RAE1: variants seen among roughly 807,000 people sequenced by gnomAD.
RAE1 encodes the protein mRNA export factor RAE1.
Under a neutral mutation model 52.7 loss-of-function variants are expected in RAE1, and 13 were observed. That is an observed-to-expected ratio of 0.25 (90% confidence interval 0.16 to 0.39). The LOEUF (loss-of-function observed/expected upper bound fraction) is 0.39. Ranked by LOEUF, RAE1 falls within the 10% of genes least tolerant of loss-of-function variation. RAE1 has a pLI of 1.00. For synonymous variants in RAE1, 164 were observed against 153.1 expected (o/e 1.07, Z -0.52); for missense variants, 262 against 459.8 (o/e 0.57, Z 3.93).
intron 4 of RAE1, among the ~76,000 whole-genome samples, chr20:57,362,016 A>G (rs986364113): frequency 1.3e-5 from 2 of 152,200 alleles, no homozygotes; most frequent in Non-Finnish European, 2.9e-5. Context: ...TGAAGTGCAC[A>G]CGTGAGGGAT....
At chr20:57,376,825 T>C (rs995585948) in intron 11 of RAE1, among the ~76,000 whole-genome samples, 1 of 152,236 alleles carries the variant, frequency 6.6e-6, no homozygotes, top group African/African-American at 2.4e-5. Flanking sequence ...GACGCGGGAC[T>C]CTATACGTTA....
intron 4 of RAE1, among the ~76,000 whole-genome samples, chr20:57,360,720 G>A (rs983335683): frequency 3.3e-5 from 5 of 152,148 alleles, no homozygotes; most frequent in Non-Finnish European, 7.3e-5. Context: ...TATTAGCTTG[G>A]GTTAACTGTA....
Position 57,374,587 on chromosome 20 carries a change from G to A in RAE1, c.826-20G>A. The A allele has an allele frequency of 1.2e-6, 2 of 1,600,434 alleles. No individual in the cohort carries two copies. Among genetic ancestry groups the A allele is most frequent in the Middle Eastern group, 1.7e-4 (1 of 5,966 alleles). On this transcript the variant is annotated intron_variant, in intron 10 of 11. Coordinates refer to ENST00000395841, the MANE Select transcript of RAE1 (RefSeq NM_003610.4). ...GCGCCCCTCTGCCTGGCTTCTCATT[G>A]TGCATGTCAATCCTTGCAGGTAAAT...
Position 57,365,387 on chromosome 20 carries a change from A to G in RAE1, c.320A>G (p.Asp107Gly). 6.2e-7 allele frequency: 1 copy of G among 1,610,828 alleles called. No individual in the cohort carries two copies. The highest frequency in any genetic ancestry group is 8.5e-7 in the Non-Finnish European group (1 of 1,177,914). Reference sequence around the variant, plus strand: ...AGCAAAGTGTTTACGGCATCGTGTGATAAAACTGCCAAAATGTGGGACCTC... The same window carrying G: ...AGCAAAGTGTTTACGGCATCGTGTGGTAAAACTGCCAAAATGTGGGACCTC... ...DGSKVFTASCDKTAKMWDLSS... is the reference protein window; with the variant it reads ...DGSKVFTASCGKTAKMWDLSS... Residue 107 changes from aspartate to glycine, a missense_variant, in exon 5 of 12, where the codon GAT becomes GGT. Asp to Gly is a moderately conservative substitution (Grantham distance 94). Transcript: ENST00000395841.
At chr20:57,373,225 C>G in intron 8 of RAE1, 2 of 508,668 alleles carry the variant, frequency 3.9e-6, no homozygotes, top group Non-Finnish European at 7.0e-6. Flanking sequence ...CGCGGCCTTG[C>G]AGGGTGGCAG....
chr20:57,357,810 T>C (rs1268380631), intron 4 of RAE1: 1 of 152,238 alleles, frequency 6.6e-6, no homozygotes, highest in Non-Finnish European at 1.5e-5. Flanking sequence ...TAGTTTCTGC[T>C]AGTGTGGGGA....
chr20:57,351,599 A>C, intron 1 of RAE1, 177 bp downstream of exon 1: 2 of 985,480 alleles, frequency 2.0e-6, no homozygotes, highest in Non-Finnish European at 2.4e-6. Context: ...CTTAGGGGTC[A>C]CCTAGGGCCT....
chr20:57,376,268 T>G (rs2067113220), intron 11 of RAE1, among the ~76,000 whole-genome samples: 1 of 152,216 alleles, frequency 6.6e-6, no homozygotes, highest in Non-Finnish European at 1.5e-5. Flanking sequence ...TTTATTGAGG[T>G]ACAATTGAAA....
At position 57,354,747 on chromosome 20, in the gene RAE1, T is replaced by C. The variant is rs1208395692; in HGVS notation, c.126T>C (p.Ile42=). 6.9e-6 allele frequency: 11 copies of C among 1,603,806 alleles called. No homozygotes were observed. The highest frequency in any genetic ancestry group is 9.4e-6 in the Non-Finnish European group (11 of 1,175,966). Residue 42 remains isoleucine, a synonymous_variant, in exon 3 of 12, where the codon ATT becomes ATC. Coordinates refer to ENST00000395841, the MANE Select transcript of RAE1 (RefSeq NM_003610.4). ...IEVTSSPDDS[I]GCLSFSPPTL... is the part of the protein sequence containing the mutation. ...TAACATCATCTCCTGATGATAGCAT[T>C]GGTTGTCTGTCTTTTAGCCCACCAA...
At chr20:57,353,608 G>A (rs890395526) in intron 1 of RAE1, among the ~76,000 whole-genome samples, 4 of 152,222 alleles carry the variant, frequency 2.6e-5, no homozygotes, top group African/African-American at 9.6e-5. Context: ...CCCACTAGGT[G>A]GAAACCTGAA....
chr20:57,365,979 A>G (rs2066949092), intron 5 of RAE1, among the ~76,000 whole-genome samples: 1 of 152,242 alleles, frequency 6.6e-6, no homozygotes, highest in Non-Finnish European at 1.5e-5. Flanking sequence ...CAGAGGGTCC[A>G]GCCTGCTAAG....
Position 57,368,675 on chromosome 20 carries a change from A to C in RAE1, c.535-30A>C, listed in dbSNP as rs113001524. 1.4e-5 allele frequency: 21 copies of C among 1,499,038 alleles called. 1 individual carries two copies. In the African/African-American group the frequency reaches 2.6e-4, roughly 19 times the overall value. The allele number at this position is 1,499,038 out of a possible 1,614,324, so 92.9% of individuals were successfully genotyped here. A position where few individuals can be genotyped will look rare whatever the true frequency, so the allele number is the denominator to read the frequency against. On this transcript the variant is annotated intron_variant, in intron 7 of 11. Transcript: ENST00000395841. ...AAAAACAGCACACTCCTTCACCTGA[A>C]GCGCATCTCTGTTTTCTTCCATTCC...
intron 4 of RAE1, among the ~76,000 whole-genome samples, chr20:57,363,382 G>A (rs114946347): frequency 0.025 from 3,775 of 152,206 alleles, 165 homozygotes; most frequent in African/African-American, 0.085. Flanking sequence ...GTTTGGTGGC[G>A]CACACCTGTA....
intron 4 of RAE1, among the ~76,000 whole-genome samples, chr20:57,361,267 TATC>T (rs375570416): frequency 3.3e-4 from 51 of 152,294 alleles, no homozygotes; most frequent in African/African-American, 1.2e-3. Context: ...ATGCTCAAGG[TATC>T]ATATCAGTAT....
chr20:57,369,876 G>A (rs190915174), intron 8 of RAE1, among the ~76,000 whole-genome samples: 74 of 152,250 alleles, frequency 4.9e-4, no homozygotes, highest in Non-Finnish European at 1.5e-4. Flanking sequence ...AAATCTGCCC[G>A]TGCTTGCCTC....
intron 4 of RAE1, chr20:57,360,051 T>C (rs2066869223): frequency 6.6e-6 from 1 of 152,274 alleles, no homozygotes; most frequent in Non-Finnish European, 1.5e-5. Flanking sequence ...TGGGTTAAGC[T>C]ACACTTTGGT....
At chr20:57,374,132 G>A (rs768590318) in intron 10 of RAE1, among the ~76,000 whole-genome samples, 22 of 152,114 alleles carry the variant, frequency 1.4e-4, no homozygotes, top group African/African-American at 2.2e-4. Flanking sequence ...TGCCCGCCTC[G>A]GCCTCCCAAA....
chr20:57,363,917 G>A (rs1310684758), intron 4 of RAE1, among the ~76,000 whole-genome samples: 1 of 152,158 alleles, frequency 6.6e-6, no homozygotes, highest in East Asian at 1.9e-4. Flanking sequence ...TACACGGAAG[G>A]ATTAGCACAG....
intron 4 of RAE1, 97 bp downstream of exon 4, chr20:57,356,635 AT>A: frequency 9.5e-7 from 1 of 1,049,778 alleles, no homozygotes; most frequent in Non-Finnish European, 1.4e-6. Flanking sequence ...ATATGTGTTC[AT>A]ATTGTAGGAA....
Sources: allele counts gnomAD v4.1 joint callset (sites outside exome capture counted in the v4.1 genomes callset), GRCh38; gene constraint gnomAD v4.1.1; transcripts MANE v1.5; gene names NCBI Gene and HGNC (gene_info 2026-07-23, HGNC 2026-07-21).